FAF1: variants seen among roughly 807,000 people sequenced by gnomAD.
The protein encoded by FAF1 is Fas associated factor 1.
A neutral mutation model predicts 92.5 loss-of-function variants in FAF1; 25 were observed. That is an observed-to-expected ratio of 0.27 (90% CI 0.20 to 0.38). FAF1 has a LOEUF of 0.38. Among genes scored for constraint, FAF1 ranks in the 10% least tolerant of loss-of-function variants. FAF1 has a pLI of 1.00. For missense variants in FAF1, 636 were observed against 793.3 expected (o/e 0.80, Z 2.38); for synonymous variants, 234 against 273.2 (o/e 0.86, Z 1.42).
At chr1:50,827,500 G>C (rs182070765) in intron 2 of FAF1, among the ~76,000 whole-genome samples, 1,733 of 152,212 alleles carry the variant, frequency 0.011, 39 homozygotes, top group African/African-American at 0.04. Flanking sequence ...GCGGAAGGCC[G>C]CAGGGACCTC....
rs72902742 is a variant in FAF1 at position 50,777,671 on chromosome 1, T to C, written c.367+10329A>G. Among the ~76,000 whole-genome samples the C allele has an allele frequency of 7.5e-3, 1,135 of 151,824 alleles. 22 individuals are homozygous for C. The highest frequency in any genetic ancestry group is 0.026 in the African/African-American group (1,081 of 41,390). ...AATAAGAATGCAGATGGCTACCAAGTTAGAAAAAAGATTTCCAGCCTGTTA... is the reference window on the plus strand; with the variant it reads ...AATAAGAATGCAGATGGCTACCAAGCTAGAAAAAAGATTTCCAGCCTGTTA... On this transcript the variant is annotated intron_variant, in intron 4 of 18. Transcript: ENST00000396153.
intron 2 of FAF1, among the ~76,000 whole-genome samples, chr1:50,830,291 G>A (rs1644141038): frequency 6.6e-6 from 1 of 152,048 alleles, no homozygotes; most frequent in African/African-American, 2.4e-5. Context: ...CTAATTTTTG[G>A]TAGAGATGGA....
At chr1:50,526,777 C>T (rs1480976367) in intron 15 of FAF1, among the ~76,000 whole-genome samples, 2 of 151,972 alleles carry the variant, frequency 1.3e-5, no homozygotes, top group African/African-American at 2.4e-5. Context: ...AAAGCTGTTG[C>T]ACCATTTTAC....
chr1:50,842,359 C>T (rs1165632735), intron 2 of FAF1, among the ~76,000 whole-genome samples: 1 of 152,010 alleles, frequency 6.6e-6, no homozygotes, highest in Non-Finnish European at 1.5e-5. Flanking sequence ...TTTAGCTTGC[C>T]ATTTGAGGTC....
chr1:50,846,084 A>T (rs928424861), intron 2 of FAF1, among the ~76,000 whole-genome samples: 1 of 152,072 alleles, frequency 6.6e-6, no homozygotes, highest in Non-Finnish European at 1.5e-5. Flanking sequence ...AGATTGTGCC[A>T]CTACTGCATT....
intron 2 of FAF1, among the ~76,000 whole-genome samples, chr1:50,805,590 A>G (rs1421024572): frequency 6.6e-6 from 1 of 152,220 alleles, no homozygotes; most frequent in African/African-American, 2.4e-5. Flanking sequence ...AAGGAAACCA[A>G]GTCACTGGTA....
At chr1:50,858,155 T>A (rs1644405137) in intron 1 of FAF1, among the ~76,000 whole-genome samples, 158 bp from the exon 2 acceptor site, 1 of 151,838 alleles carries the variant, frequency 6.6e-6, no homozygotes, top group Non-Finnish European at 1.5e-5. Context: ...GCATTTTACA[T>A]ATATGGTGTG....
chr1:50,641,970 AGAC>A (rs1654352293), intron 8 of FAF1, among the ~76,000 whole-genome samples: 1 of 151,924 alleles, frequency 6.6e-6, no homozygotes, highest in Non-Finnish European at 1.5e-5. Flanking sequence ...TGGGAGGCCA[AGAC>A]AGGTGGATAG....
At chr1:50,521,117 G>C (rs907896436) in intron 15 of FAF1, among the ~76,000 whole-genome samples, 1 of 152,032 alleles carries the variant, frequency 6.6e-6, no homozygotes, top group Non-Finnish European at 1.5e-5. Context: ...ATTGTAGAAT[G>C]GCTATATTGA....
At chr1:50,872,480 C>T (rs1350626152) in intron 1 of FAF1, among the ~76,000 whole-genome samples, 1 of 152,180 alleles carries the variant, frequency 6.6e-6, no homozygotes. Context: ...GATGTAGATG[C>T]TGTGAACACT....
intron 15 of FAF1, among the ~76,000 whole-genome samples, chr1:50,507,074 A>G (rs1036963379): frequency 2.6e-5 from 4 of 152,216 alleles, no homozygotes; most frequent in African/African-American, 7.2e-5. Context: ...TTATTCCAGG[A>G]CTACTACCTT....
At chr1:50,737,056 T>C (rs1659169559) in intron 6 of FAF1, among the ~76,000 whole-genome samples, 1 of 152,248 alleles carries the variant, frequency 6.6e-6, no homozygotes, top group Non-Finnish European at 1.5e-5. Context: ...GAGTCTCCAT[T>C]TGTCCCTCCT....
chr1:50,881,844 G>A (rs887337723), intron 1 of FAF1, among the ~76,000 whole-genome samples: 3 of 152,080 alleles, frequency 2.0e-5, no homozygotes, highest in Admixed American at 1.3e-4. Context: ...AATAGCTGCA[G>A]AAAAAGTGCA....
intron 8 of FAF1, among the ~76,000 whole-genome samples, chr1:50,598,954 G>A (rs181181498): frequency 3.3e-4 from 50 of 151,898 alleles, no homozygotes; most frequent in African/African-American, 1.1e-3. Context: ...TGGACAACAA[G>A]AGTGAAACTC....
chr1:50,875,257 TTTTA>T (rs1463334070), intron 1 of FAF1, among the ~76,000 whole-genome samples: 4 of 152,028 alleles, frequency 2.6e-5, no homozygotes, highest in Non-Finnish European at 2.9e-5. Context: ...GGGTTTGTTG[TTTTA>T]TTTATATATT....
chr1:50,779,794 A>C (rs1021379797), intron 4 of FAF1, among the ~76,000 whole-genome samples: 4 of 152,066 alleles, frequency 2.6e-5, no homozygotes, highest in African/African-American at 7.2e-5. Context: ...TTTAAAAATT[A>C]GAAAAGAGCT....
chr1:50,488,440 A>G (rs945958645), intron 17 of FAF1, among the ~76,000 whole-genome samples: 4 of 152,220 alleles, frequency 2.6e-5, no homozygotes, highest in African/African-American at 7.2e-5. Context: ...CATTTTAGCA[A>G]GCCAGTATGG....
chr1:50,593,586 G>A (rs1183950565), intron 9 of FAF1, among the ~76,000 whole-genome samples: 1 of 152,104 alleles, frequency 6.6e-6, no homozygotes, highest in Non-Finnish European at 1.5e-5. Flanking sequence ...TTTCACAAGG[G>A]CTAGTGAGAT....
chr1:50,559,731 G>A (rs765541148), intron 13 of FAF1, among the ~76,000 whole-genome samples: 2 of 152,196 alleles, frequency 1.3e-5, no homozygotes, highest in Non-Finnish European at 2.9e-5. Context: ...CATGGAACAG[G>A]AGGGGTTCCT....
Sources: allele counts gnomAD v4.1 joint callset (sites outside exome capture counted in the v4.1 genomes callset), GRCh38; gene constraint gnomAD v4.1.1; transcripts MANE v1.5; gene names NCBI Gene and HGNC (gene_info 2026-07-23, HGNC 2026-07-21).